Variants in SGK2 observed in about 807,000 individuals in gnomAD.
The protein encoded by SGK2 is serum/glucocorticoid regulated kinase 2.
In SGK2, 36 loss-of-function variants were observed where a neutral mutation model predicts 47.5. That is an observed-to-expected ratio of 0.76 (90% CI 0.58 to 1.00). The LOEUF is 1.00. SGK2 is among the 50% of genes least tolerant of loss of function. SGK2 has a pLI of 0.00. For missense variants in SGK2, 404 were observed against 467.4 expected, an observed-to-expected ratio of 0.86 and a Z score of 1.25; for synonymous variants, 157 against 181.9, an observed-to-expected ratio of 0.86 and a Z score of 1.10.
chr20:43,574,927 C>G lies in SGK2; in HGVS notation c.616C>G (p.Leu206Val). 6.2e-7 allele frequency: 1 copy of G among 1,613,526 alleles called. No homozygotes were observed. The highest frequency in any genetic ancestry group is 8.5e-7 in the Non-Finnish European group (1 of 1,179,562). The change falls in exon 10 of 13, where the codon CTT becomes GTT. Residue 206 changes from leucine (L) to valine (V), a missense_variant. By Grantham distance (32) the Leu-to-Val change is conservative. Coordinates refer to ENST00000373100, the MANE Select transcript of SGK2 (RefSeq NM_170693.3). ...CTAACAGTACTTGGCACCTGAAGTGCTTCGGAAAGAGCCTTATGATCGAGC... is the reference window on the plus strand; with the variant it reads ...CTAACAGTACTTGGCACCTGAAGTGGTTCGGAAAGAGCCTTATGATCGAGC... ...GTPEYLAPEV[L>V]RKEPYDRAVD... is the part of the protein sequence containing the mutation.
At chr20:43,560,846 C>G (rs1979339010) in intron 1 of SGK2, among the ~76,000 whole-genome samples, 1 of 152,226 alleles carries the variant, frequency 6.6e-6, no homozygotes. Context: ...AGGCCCTGTG[C>G]TCAGTGCTGA....
rs766388352 is a variant in SGK2, at chr20:43,567,159, C to A, written c.86+42C>A. On this transcript the variant is annotated intron_variant, in intron 3 of 12. Coordinates refer to ENST00000373100, the MANE Select transcript of SGK2 (RefSeq NM_170693.3). ...CAAGCACCTTTCCTACTTGACTCCCCTCATACCTGGCTCCCCTTGCCTTGG... is the reference window on the plus strand; with the variant it reads ...CAAGCACCTTTCCTACTTGACTCCCATCATACCTGGCTCCCCTTGCCTTGG... The A allele has an allele frequency of 2.6e-6, 4 of 1,518,586 alleles. No individual in the cohort carries two copies. The Admixed American group carries it at 6.7e-5, about 25-fold the overall frequency. 94.1% of individuals were successfully genotyped at this position (1,518,586 alleles called of 1,614,324 possible).
intron 11 of SGK2, among the ~76,000 whole-genome samples, chr20:43,577,122 G>A (rs1373750883): frequency 6.6e-6 from 1 of 152,170 alleles, no homozygotes; most frequent in African/African-American, 2.4e-5. Context: ...CTGAGGAGGT[G>A]ACAATTAAGC....
At chr20:43,579,946 G>A (rs764610622) in intron 11 of SGK2, 26 bp from the exon 12 acceptor site, 1 of 1,569,688 alleles carries the variant, frequency 6.4e-7, no homozygotes, top group Non-Finnish European at 8.8e-7. Context: ...CTTCTAACCA[G>A]AACCTTTTTT....
chr20:43,567,778 AG>A (rs1979827767), intron 4 of SGK2, 56 bp downstream of exon 4: 20 of 1,586,596 alleles, frequency 1.3e-5, no homozygotes, highest in Non-Finnish European at 1.7e-5. Context: ...AGCCTCTTCC[AG>A]CCCCTGCTGC....
rs3135418 is a variant in SGK2, at chr20:43,570,046, C to G, written c.360+530C>G. On this transcript the variant is annotated intron_variant, in intron 6 of 12. Transcript: ENST00000373100. Reference sequence around the variant, plus strand: ...TTAACCTGCGTGATCTCTTGCCTTTCAGAATGATGCTAAGAGGGGGGTTTT... The same window carrying G: ...TTAACCTGCGTGATCTCTTGCCTTTGAGAATGATGCTAAGAGGGGGGTTTT... Among the ~76,000 whole-genome samples, 349 of 152,290 alleles carry G rather than the reference C, an allele frequency of 2.3e-3. 1 individual carries two copies. The highest frequency in any genetic ancestry group is 4.4e-3 in the Non-Finnish European group (297 of 68,024).
chr20:43,570,443 T>C (rs1315200573), intron 6 of SGK2, among the ~76,000 whole-genome samples, 174 bp from the exon 7 acceptor site: 1 of 152,210 alleles, frequency 6.6e-6, no homozygotes, highest in Non-Finnish European at 1.5e-5. Flanking sequence ...TGCTGACTCT[T>C]TGGACACCCG....
intron 12 of SGK2, among the ~76,000 whole-genome samples, chr20:43,581,298 GT>G (rs1185254945): frequency 6.6e-6 from 1 of 151,942 alleles, no homozygotes; most frequent in Admixed American, 6.6e-5. Flanking sequence ...ATTTCCTCAT[GT>G]CATAAAAAAT....
In SGK2 at chr20:43,576,293, G is replaced by T; in HGVS notation, c.763G>T (p.Gly255Ter). The change falls in exon 11 of 13, where the codon GGA (glycine) becomes TGA (stop). Residue 255 changes from glycine to a stop codon, truncating the protein, a stop_gained. Transcript: ENST00000373100. LOFTEE classifies it high-confidence loss of function. ...TCTGCACCAGCCGCTACAGATCCCC[G>T]GAGGCCGGACAGTGGCCGCCTGTGA... Reference protein sequence around the residue: ...NILHQPLQIPGGRTVAACDLL... With the variant: ...NILHQPLQIP 4 of 1,614,218 alleles carry T rather than the reference G, an allele frequency of 2.5e-6. No individual in the cohort carries two copies. Among genetic ancestry groups the T allele is most frequent in the Non-Finnish European group, 3.4e-6 (4 of 1,180,038 alleles).
chr20:43,581,678 G>A (rs1367873266), intron 12 of SGK2, among the ~76,000 whole-genome samples: 2 of 152,220 alleles, frequency 1.3e-5, no homozygotes, highest in Non-Finnish European at 1.5e-5. Context: ...ATAGGCATGC[G>A]CCACCACGCC....
At chr20:43,566,167 G>A in intron 1 of SGK2, 1 of 616,256 alleles carries the variant, frequency 1.6e-6, no homozygotes, top group Non-Finnish European at 2.9e-6. Context: ...GAGCTACCCT[G>A]GCTCACAGGG....
chr20:43,583,113 T>G, intron 12 of SGK2: 1 of 1,151,338 alleles, frequency 8.7e-7, no homozygotes, highest in Non-Finnish European at 1.1e-6. Flanking sequence ...CAATGTTAAT[T>G]CACCATTTAC....
rs1407966655 is a variant in SGK2, at chr20:43,569,416, T to C, written c.260T>C (p.Leu87Pro). 1.9e-6 allele frequency: 3 copies of C among 1,613,938 alleles called. No individual in the cohort carries two copies. The highest frequency in any genetic ancestry group is 2.7e-5 in the African/African-American group (2 of 74,912). ...CACATCATGGCAGAGCGCAGTGTGCTTCTGAAGAACGTGCGGCACCCCTTC... is the reference window on the plus strand; with the variant it reads ...CACATCATGGCAGAGCGCAGTGTGCCTCTGAAGAACGTGCGGCACCCCTTC... ...QSHIMAERSV[L>P]LKNVRHPFLV... is the part of the protein sequence containing the mutation. Residue 87 changes from leucine to proline, a missense_variant, in exon 6 of 13, where the codon CTT becomes CCT. Coordinates refer to ENST00000373100, the MANE Select transcript of SGK2 (RefSeq NM_170693.3).
At chr20:43,582,166 GC>G in intron 12 of SGK2, among the ~76,000 whole-genome samples, 1 of 4,032 alleles carries the variant, frequency 2.5e-4, no homozygotes, top group East Asian at 0.01. Flanking sequence ...TCCTACCTCA[GC>G]CTCCTGAGTA....
intron 1 of SGK2, chr20:43,565,967 C>T (rs149428680): frequency 5.9e-4 from 118 of 200,178 alleles, no homozygotes; most frequent in African/African-American, 2.3e-3. Flanking sequence ...GCTGGGACTG[C>T]GCACAGTAAT....
intron 12 of SGK2, chr20:43,583,305 A>G: frequency 1.6e-6 from 2 of 1,289,348 alleles, no homozygotes; most frequent in Non-Finnish European, 2.0e-6. Flanking sequence ...GCAGAGATGA[A>G]TGGACTTTAG....
Position 43,569,489 on chromosome 20 carries a change from C to T in SGK2, c.333C>T (p.Phe111=), listed in dbSNP as rs768419865. The T allele has an allele frequency of 4.0e-5, 65 of 1,613,488 alleles. No individual in the cohort carries two copies. Among genetic ancestry groups the T allele is most frequent in the South Asian group, 8.8e-5 (8 of 91,066 alleles). The change falls in exon 6 of 13, where the codon TTC becomes TTT. Residue 111 remains phenylalanine, a synonymous_variant. Coordinates refer to ENST00000373100, the MANE Select transcript of SGK2 (RefSeq NM_170693.3). ...YSFQTPEKLY[F]VLDYVNGGEL... is the part of the protein sequence containing the mutation. ...TCCAGACACCTGAGAAGCTCTACTTCGTGCTCGACTATGTCAACGGGGGAG... is the reference window on the plus strand; with the variant it reads ...TCCAGACACCTGAGAAGCTCTACTTTGTGCTCGACTATGTCAACGGGGGAG...
chr20:43,568,111 G>A, intron 5 of SGK2, 112 bp downstream of exon 5: 1 of 810,060 alleles, frequency 1.2e-6, no homozygotes, highest in East Asian at 2.6e-5. Flanking sequence ...GGGTGCAGAA[G>A]TGGTCACAAC....
At chr20:43,574,202 C>A (rs966760026) in intron 9 of SGK2, among the ~76,000 whole-genome samples, 2 of 152,192 alleles carry the variant, frequency 1.3e-5, no homozygotes, top group African/African-American at 2.4e-5. Flanking sequence ...GTTGCTGAGA[C>A]CTTGCCCCCG....
Sources: gnomAD v4.1 joint callset for allele counts (sites outside exome capture counted in the v4.1 genomes callset) on GRCh38, gnomAD v4.1.1 for gene constraint, MANE v1.5 for transcripts, NCBI Gene and HGNC (gene_info 2026-07-23, HGNC 2026-07-21) for gene names.